The following PRKD1 variants were observed in gnomAD, a reference collection of about 807,000 sequenced individuals.
PRKD1 encodes serine/threonine-protein kinase D1.
A neutral mutation model predicts 95.9 loss-of-function variants in PRKD1; 63 were observed. The ratio of observed to expected loss-of-function variants is 0.66; its 90% CI spans 0.54 to 0.81. The LOEUF (loss-of-function observed/expected upper bound fraction) is 0.81, where lower values mean the gene tolerates loss of function less well. Ranked by LOEUF, PRKD1 falls within the 30% of genes least tolerant of loss-of-function variation. The pLI is 0.00. For synonymous variants in PRKD1, 425 were observed against 423.1 expected (o/e 1.00, Z -0.05); for missense variants, 1,048 against 1,165.3 (o/e 0.90, Z 1.47).
At chr14:29,731,463 A>G (rs1364090558) in intron 1 of PRKD1, among the ~76,000 whole-genome samples, 1 of 152,168 alleles carries the variant, frequency 6.6e-6, no homozygotes, top group Admixed American at 6.5e-5. Flanking sequence ...AAGTTGACTG[A>G]TAGTTTTTCA....
rs1258010022 is a variant in PRKD1 at position 29,636,307 on chromosome 14, GTCC to G, written c.1170_1172del (p.Glu390del). On this transcript the variant is annotated inframe_deletion, in exon 7 of 18. Transcript: ENST00000331968. ...GCTCTCACCTGATGGTTCTGTTGGC[GTCC>G]TCGTGGTCTGGGTCTGGATCTTGCA... is the stretch of plus-strand genomic sequence containing the variant. The G allele has an allele frequency of 6.2e-7, 1 of 1,614,090 alleles. No homozygotes were observed. Among genetic ancestry groups the G allele is most frequent in the African/African-American group, 1.3e-5 (1 of 74,936 alleles).
rs1233422987 is a variant in PRKD1 at position 29,869,680 on chromosome 14, G to A, written c.264+57569C>T. Among the ~76,000 whole-genome samples the A allele has an allele frequency of 2.0e-5, 3 of 152,180 alleles. No individual in the cohort carries two copies. The East Asian group carries it at 5.8e-4, about 29-fold the overall frequency. ...GCAAATATTTCTTGGGGACTTTACT[G>A]TGTGCCAAGCACTATGCTATGGTCC... On this transcript the variant is annotated intron_variant, in intron 1 of 17. Transcript: ENST00000331968.
chr14:29,822,636 A>AG (rs1230281877), intron 1 of PRKD1, among the ~76,000 whole-genome samples: 1 of 152,174 alleles, frequency 6.6e-6, no homozygotes, highest in East Asian at 1.9e-4. Context: ...GCAGGCAGCT[A>AG]ATGTTCTGCC....
At chr14:29,656,484 C>T (rs1439373611) in intron 4 of PRKD1, 3 of 1,535,518 alleles carry the variant, frequency 2.0e-6, no homozygotes, top group Non-Finnish European at 2.6e-6. Context: ...ACCTCAAAGC[C>T]AGGACTCACA....
chr14:29,587,794 A>G (rs567624365), intron 16 of PRKD1, among the ~76,000 whole-genome samples: 38 of 152,310 alleles, frequency 2.5e-4, no homozygotes, highest in Non-Finnish European at 4.1e-4. Context: ...TCATAATTGG[A>G]AAGTTCCTTC....
intron 2 of PRKD1, among the ~76,000 whole-genome samples, chr14:29,691,756 T>C (rs1187472512): frequency 6.6e-6 from 1 of 152,176 alleles, no homozygotes; most frequent in Non-Finnish European, 1.5e-5. Flanking sequence ...GGATTAGGTA[T>C]GTACAAAGGG....
chr14:29,715,846 A>C (rs908378292), intron 2 of PRKD1, among the ~76,000 whole-genome samples: 1 of 152,282 alleles, frequency 6.6e-6, no homozygotes, highest in East Asian at 1.9e-4. Context: ...TTTTGAAAAT[A>C]AACCCCAAAT....
intron 1 of PRKD1, among the ~76,000 whole-genome samples, chr14:29,758,708 G>A (rs143579394): frequency 1.6e-3 from 238 of 152,112 alleles, no homozygotes; most frequent in African/African-American, 5.6e-3. Flanking sequence ...TTTTAAATTG[G>A]GAGATTTCAC....
At chr14:29,646,759 A>T (rs2139162830) in intron 4 of PRKD1, among the ~76,000 whole-genome samples, 1 of 152,102 alleles carries the variant, frequency 6.6e-6, no homozygotes, top group Non-Finnish European at 1.5e-5. Flanking sequence ...AACGAAAAAA[A>T]AAAAAACCCA....
chr14:29,758,420 G>A (rs1340936102), intron 1 of PRKD1, among the ~76,000 whole-genome samples: 1 of 152,142 alleles, frequency 6.6e-6, no homozygotes. Flanking sequence ...AGTTCAGCAG[G>A]AGGTCAGAGA....
At chr14:29,782,380 C>A (rs1889084572) in intron 1 of PRKD1, among the ~76,000 whole-genome samples, 1 of 151,536 alleles carries the variant, frequency 6.6e-6, no homozygotes, top group Non-Finnish European at 1.5e-5. Flanking sequence ...GCAGCAAAAC[C>A]CAAAAGGTCC....
chr14:29,656,538 G>A, intron 4 of PRKD1: 1 of 1,529,922 alleles, frequency 6.5e-7, no homozygotes, highest in Non-Finnish European at 8.8e-7. Context: ...GCAGGCAAAG[G>A]TGCAGAATCA....
intron 16 of PRKD1, chr14:29,594,240 TG>T: frequency 2.6e-6 from 1 of 381,554 alleles, no homozygotes; most frequent in Non-Finnish European, 5.1e-6. Flanking sequence ...TTATTAAGAT[TG>T]TAACTTATAA....
intron 13 of PRKD1, among the ~76,000 whole-genome samples, chr14:29,605,299 C>T (rs1229632741): frequency 6.6e-6 from 1 of 152,150 alleles, no homozygotes; most frequent in East Asian, 1.9e-4. Context: ...AGGTGCCTAC[C>T]CTTAGCAAGG....
At chr14:29,870,883 T>G (rs1893081635) in intron 1 of PRKD1, among the ~76,000 whole-genome samples, 2 of 152,180 alleles carry the variant, frequency 1.3e-5, no homozygotes, top group African/African-American at 2.4e-5. Flanking sequence ...AATTGAATCA[T>G]CACAGACTTC....
intron 1 of PRKD1, among the ~76,000 whole-genome samples, chr14:29,826,846 T>TATATATATACACAC (rs1891208770): frequency 1.9e-5 from 1 of 51,780 alleles, no homozygotes; most frequent in Admixed American, 2.1e-4. Flanking sequence ...TATACACACA[T>TATATATATACACAC]ATATATATAT....
At chr14:29,765,792 C>T (rs1381073915) in intron 1 of PRKD1, among the ~76,000 whole-genome samples, 4 of 152,064 alleles carry the variant, frequency 2.6e-5, no homozygotes, top group Non-Finnish European at 4.4e-5. Context: ...AGTACGATTC[C>T]TTTTATATAA....
chr14:29,621,528 C>G (rs900374262), intron 13 of PRKD1, among the ~76,000 whole-genome samples: 1 of 151,666 alleles, frequency 6.6e-6, no homozygotes, highest in African/African-American at 2.4e-5. Flanking sequence ...AAATAATTGG[C>G]AGTTTTATAA....
At chr14:29,760,148 C>T (rs926632443) in intron 1 of PRKD1, among the ~76,000 whole-genome samples, 15 of 152,078 alleles carry the variant, frequency 9.9e-5, no homozygotes, top group Non-Finnish European at 1.5e-5. Context: ...ACACAGCATT[C>T]CATTCAGCCA....
Sources: gnomAD v4.1 joint callset for allele counts (sites outside exome capture counted in the v4.1 genomes callset) on GRCh38, gnomAD v4.1.1 for gene constraint, MANE v1.5 for transcripts, NCBI Gene and HGNC (gene_info 2026-07-23, HGNC 2026-07-21) for gene names.